The following GUCY1A2 variants were observed in gnomAD, a reference collection of about 807,000 sequenced individuals.
GUCY1A2 encodes guanylate cyclase soluble subunit alpha-2.
GUCY1A2 carries 27 observed loss-of-function variants against 63.5 expected under a neutral mutation model. The ratio of observed to expected loss-of-function variants is 0.43; its 90% CI spans 0.31 to 0.59. GUCY1A2 has a LOEUF of 0.59. Among genes scored for constraint, GUCY1A2 ranks in the 20% least tolerant of loss-of-function variants. The pLI is 0.11. For missense variants in GUCY1A2, 768 were observed against 913.3 expected, an observed-to-expected ratio of 0.84 and a Z score of 2.05; for synonymous variants, 364 against 343.5, an observed-to-expected ratio of 1.06 and a Z score of -0.66.
intron 5 of GUCY1A2, among the ~76,000 whole-genome samples, chr11:106,807,017 C>A (rs1179542433): frequency 6.6e-6 from 1 of 152,126 alleles, no homozygotes; most frequent in Admixed American, 6.5e-5. Flanking sequence ...ACTATGAAAG[C>A]CCCATGTGGG....
chr11:106,794,877 C>T (rs1043990235), intron 5 of GUCY1A2, among the ~76,000 whole-genome samples: 1 of 152,104 alleles, frequency 6.6e-6, no homozygotes, highest in African/African-American at 2.4e-5. Flanking sequence ...ATATCAGTCC[C>T]TGTCCCTTCT....
chr11:106,990,378 T>A (rs1375414216), intron 1 of GUCY1A2, among the ~76,000 whole-genome samples: 1 of 152,212 alleles, frequency 6.6e-6, no homozygotes, highest in African/African-American at 2.4e-5. Context: ...AGAAAGGTCA[T>A]GAGATCCGAA....
In GUCY1A2 at chr11:106,674,797, T is replaced by C. The variant is rs527439779; in HGVS notation, c.*12752A>G. On this transcript the variant is annotated 3_prime_UTR_variant, in exon 8 of 8. Coordinates refer to ENST00000526355, the MANE Select transcript of GUCY1A2 (RefSeq NM_000855.3). ...GACCCATGAAATTGCAGCAAACAAA[T>C]TAGCCAAAATGTTAAAATAATTCAG... The C allele has an allele frequency of 6.1e-5, 13 of 212,986 alleles. No homozygotes were observed. In the South Asian group the frequency reaches 2.1e-3, roughly 34 times the overall value. The allele number at this position is 212,986 out of a possible 1,614,324, so 13.2% of individuals were successfully genotyped here. A position where few individuals can be genotyped will look rare whatever the true frequency, so the allele number is the denominator to read the frequency against.
chr11:106,939,460 C>T lies in GUCY1A2; in HGVS notation c.1206G>A (p.Lys402=), dbSNP rs1355322917. 6.5e-7 allele frequency: 1 copy of T among 1,533,468 alleles called. No homozygotes were observed. The highest frequency in any genetic ancestry group is 2.3e-5 in the East Asian group (1 of 44,096). 95.0% of individuals were successfully genotyped at this position (1,533,468 alleles called of 1,614,324 possible). Residue 402 remains lysine (K), a splice_region_variant and synonymous_variant, in exon 4 of 8, where the codon AAG becomes AAA. Transcript: ENST00000526355. ...ACCATCTCAAGTCCATAGCACTTAC[C>T]TTGTCTTTATTTTCAGAGCCAGAAG... ...PEASGSENKD[K]VMEVKGQMIH...
At chr11:106,974,694 A>G (rs1329733864) in intron 3 of GUCY1A2, among the ~76,000 whole-genome samples, 1 of 152,080 alleles carries the variant, frequency 6.6e-6, no homozygotes, top group Non-Finnish European at 1.5e-5. Flanking sequence ...TAATCCCATG[A>G]TAAGCATTGC....
intron 4 of GUCY1A2, among the ~76,000 whole-genome samples, chr11:106,881,376 T>C (rs1283686183): frequency 6.6e-6 from 1 of 152,050 alleles, no homozygotes; most frequent in Non-Finnish European, 1.5e-5. Context: ...CATGAATTAT[T>C]ATATTTACTA....
chr11:106,700,305 G>A (rs1315172610), intron 7 of GUCY1A2, among the ~76,000 whole-genome samples: 4 of 151,956 alleles, frequency 2.6e-5, no homozygotes, highest in Non-Finnish European at 5.9e-5. Flanking sequence ...GACTGAAGTG[G>A]AATATTCTAA....
At chr11:106,776,251 T>C (rs995449803) in intron 6 of GUCY1A2, among the ~76,000 whole-genome samples, 188 bp downstream of exon 6, 1 of 152,188 alleles carries the variant, frequency 6.6e-6, no homozygotes, top group African/African-American at 2.4e-5. Context: ...AACCATTTCC[T>C]ATCTTGGACC....
At position 106,686,747 on chromosome 11, in the gene GUCY1A2, C is replaced by A. The variant is rs1461466807; in HGVS notation, c.*802G>T. The A allele has an allele frequency of 9.9e-6, 2 of 202,148 alleles. No individual in the cohort carries two copies. The highest frequency in any genetic ancestry group is 2.0e-5 in the Non-Finnish European group (2 of 98,302). 12.5% of individuals were successfully genotyped at this position (202,148 alleles called of 1,614,324 possible). A position where few individuals can be genotyped will look rare whatever the true frequency, so the allele number is the denominator to read the frequency against. On this transcript the variant is annotated 3_prime_UTR_variant, in exon 8 of 8. Coordinates refer to ENST00000526355, the MANE Select transcript of GUCY1A2 (RefSeq NM_000855.3). ...TCTTTAATCTTGGTTACAGATACAT[C>A]TGGTGTTAGGAAATTCCATTTCCTC...
chr11:106,905,766 C>G (rs1210250892), intron 4 of GUCY1A2, among the ~76,000 whole-genome samples: 2 of 152,084 alleles, frequency 1.3e-5, no homozygotes, highest in Non-Finnish European at 2.9e-5. Context: ...CTAAAATAAC[C>G]CCATGAGAAA....
chr11:106,910,281 T>C (rs764999305), intron 4 of GUCY1A2, among the ~76,000 whole-genome samples: 3 of 152,132 alleles, frequency 2.0e-5, no homozygotes, highest in South Asian at 2.1e-4. Context: ...TGATCCCTAT[T>C]ATATTTCAAA....
At chr11:106,795,161 T>C (rs2135414697) in intron 5 of GUCY1A2, among the ~76,000 whole-genome samples, 1 of 152,300 alleles carries the variant, frequency 6.6e-6, no homozygotes, top group Non-Finnish European at 1.5e-5. Context: ...CTTACTCAGT[T>C]ATGTGACAAA....
chr11:106,712,306 T>A (rs759271315), intron 6 of GUCY1A2, among the ~76,000 whole-genome samples: 2 of 152,210 alleles, frequency 1.3e-5, no homozygotes, highest in African/African-American at 2.4e-5. Context: ...ACATTCAACA[T>A]ATTTTTCATC....
chr11:106,967,674 G>C (rs749335947), intron 3 of GUCY1A2, among the ~76,000 whole-genome samples: 1 of 142,422 alleles, frequency 7.0e-6, no homozygotes, highest in Non-Finnish European at 1.5e-5. Context: ...ATTTGGCAAA[G>C]AGATACAGAA....
At chr11:106,885,729 G>A (rs1249556610) in intron 4 of GUCY1A2, among the ~76,000 whole-genome samples, 2 of 152,108 alleles carry the variant, frequency 1.3e-5, no homozygotes, top group Non-Finnish European at 2.9e-5. Flanking sequence ...GATAACAAGT[G>A]TGAATGTACT....
At chr11:106,746,656 C>T in intron 6 of GUCY1A2, 1 of 1,461,880 alleles carries the variant, frequency 6.8e-7, no homozygotes, top group African/African-American at 1.4e-5. Context: ...TGAAAAGTCA[C>T]ACCGAGACAC....
intron 1 of GUCY1A2, 24 bp from the exon 2 acceptor site, chr11:106,986,155 A>T (rs566118231): frequency 3.4e-5 from 41 of 1,193,746 alleles, no homozygotes; most frequent in African/African-American, 1.0e-4. Context: ...ATAATAATAA[A>T]AACATATTAT....
intron 6 of GUCY1A2, among the ~76,000 whole-genome samples, chr11:106,760,422 G>A (rs1864045963): frequency 6.6e-6 from 1 of 152,098 alleles, no homozygotes; most frequent in South Asian, 2.1e-4. Context: ...TTTCTAAAGT[G>A]GGCCGAACTT....
intron 4 of GUCY1A2, among the ~76,000 whole-genome samples, chr11:106,885,169 A>C (rs774122328): frequency 2.0e-5 from 3 of 152,184 alleles, no homozygotes; most frequent in Non-Finnish European, 4.4e-5. Context: ...TATGGTGATA[A>C]CATTTACCAG....
Sources: gnomAD v4.1 joint callset for allele counts (sites outside exome capture counted in the v4.1 genomes callset) on GRCh38, gnomAD v4.1.1 for gene constraint, MANE v1.5 for transcripts, NCBI Gene and HGNC (gene_info 2026-07-23, HGNC 2026-07-21) for gene names.